Variants in LRPAP1 observed in about 807,000 individuals in gnomAD.
LRPAP1 encodes LDL receptor related protein associated protein 1.
Under a neutral mutation model 39.9 loss-of-function variants are expected in LRPAP1, and 41 were observed. The observed-to-expected ratio is 1.03, with a 90% CI of 0.80 to 1.33. The LOEUF (loss-of-function observed/expected upper bound fraction) is 1.33. Ranked by LOEUF, LRPAP1 falls within the 40% of genes most tolerant of loss-of-function variation. LRPAP1 has a pLI of 0.00. For missense variants in LRPAP1, 565 were observed against 482.3 expected, an observed-to-expected ratio of 1.17 and a Z score of -1.61; for synonymous variants, 263 against 212.7, an observed-to-expected ratio of 1.24 and a Z score of -2.06.
At chr4:3,525,248 T>C in intron 1 of LRPAP1, 197 bp from the exon 2 acceptor site, 2 of 605,484 alleles carry the variant, frequency 3.3e-6, no homozygotes, top group South Asian at 3.8e-5. Context: ...TCTAGGCCTG[T>C]CTGTATACAC....
chr4:3,516,064 G>C, intron 6 of LRPAP1, 52 bp downstream of exon 6: 1 of 1,515,662 alleles, frequency 6.6e-7, no homozygotes, highest in Admixed American at 2.0e-5. Context: ...GAAACTGCAA[G>C]AGAATCTTCA....
In LRPAP1 at chr4:3,505,878, T is replaced by A. The variant is rs1729339706; in HGVS notation, c.*7096A>T. On this transcript the variant is annotated 3_prime_UTR_variant, in exon 8 of 8. Transcript: ENST00000650182. The stretch of plus-strand genomic sequence containing the variant: ...TCAGATGGATGCTGACCCAGCAGGC[T>A]GGGCTGAGCTGGGACCAGCTCTTCC... Among the ~76,000 whole-genome samples, 1 of 152,224 alleles carries A rather than the reference T, an allele frequency of 6.6e-6. No homozygotes were observed. Among genetic ancestry groups the A allele is most frequent in the East Asian group, 1.9e-4 (1 of 5,190 alleles).
intron 6 of LRPAP1, 55 bp from the exon 7 acceptor site, chr4:3,514,983 T>G: frequency 6.3e-7 from 1 of 1,587,532 alleles, no homozygotes; most frequent in Non-Finnish European, 8.6e-7. Flanking sequence ...CCACGCCATC[T>G]TGTGGTCCCG....
chr4:3,526,174 C>T (rs1286051217), intron 1 of LRPAP1, among the ~76,000 whole-genome samples: 1 of 152,200 alleles, frequency 6.6e-6, no homozygotes, highest in Non-Finnish European at 1.5e-5. Flanking sequence ...AAAGGAAGTG[C>T]TCGGCACTGT....
Position 3,516,124 on chromosome 4 carries a change from C to G in LRPAP1, c.826G>C (p.Ala276Pro), listed in dbSNP as rs1176892131. Residue 276 changes from alanine to proline, a missense_variant, in exon 6 of 8, where the codon GCG becomes CCG. Ala to Pro is a conservative substitution (Grantham distance 27, BLOSUM62 -1). Coordinates refer to ENST00000650182, the MANE Select transcript of LRPAP1 (RefSeq NM_002337.4). ...SANLTDKELE[A>P]FREELKHFEA... ...GGGCCGTGTTTCCTTACCCGGAACGCCTCCAGCTCCTTGTCCGTGAGGTTG... is the reference window on the plus strand; with the variant it reads ...GGGCCGTGTTTCCTTACCCGGAACGGCTCCAGCTCCTTGTCCGTGAGGTTG... 1 of 1,575,974 alleles carries G rather than the reference C, an allele frequency of 6.3e-7. No homozygotes were observed. Among genetic ancestry groups the G allele is most frequent in the East Asian group, 2.3e-5 (1 of 43,506 alleles).
chr4:3,520,234 G>GA (rs747853332), intron 2 of LRPAP1, 41 bp from the exon 3 acceptor site: 37 of 1,593,134 alleles, frequency 2.3e-5, no homozygotes, highest in Non-Finnish European at 3.1e-5. Context: ...GGTTTCCTGT[G>GA]AAAAACAGTC....
chr4:3,519,317 G>A (rs539291377), intron 3 of LRPAP1, among the ~76,000 whole-genome samples: 64 of 152,338 alleles, frequency 4.2e-4, no homozygotes, highest in African/African-American at 1.4e-3. Flanking sequence ...TGCAGGTGGT[G>A]AGGACAGCAA....
rs1221934342 is a variant in LRPAP1 at position 3,506,118 on chromosome 4, A to G, written c.*6856T>C. Among the ~76,000 whole-genome samples the G allele has an allele frequency of 6.6e-6, 1 of 152,042 alleles. No homozygotes were observed. Among genetic ancestry groups the G allele is most frequent in the African/African-American group, 2.4e-5 (1 of 41,384 alleles). On this transcript the variant is annotated 3_prime_UTR_variant, in exon 8 of 8. Transcript: ENST00000650182. Reference sequence around the variant, plus strand: ...TGCTCTGTTATCCATGCTGGAGAGCAATGGCACGATTTTGGCTCACTGCAA... The same window carrying G: ...TGCTCTGTTATCCATGCTGGAGAGCGATGGCACGATTTTGGCTCACTGCAA...
chr4:3,519,923 G>A, intron 3 of LRPAP1, 149 bp downstream of exon 3: 1 of 814,976 alleles, frequency 1.2e-6, no homozygotes, highest in South Asian at 2.0e-5. Flanking sequence ...AATGACAGTG[G>A]AATGGCTTCC....
chr4:3,518,910 C>T lies in LRPAP1; in HGVS notation c.553G>A (p.Glu185Lys), dbSNP rs755185603. The change falls in exon 4 of 8, where the codon GAG (glutamate) becomes AAG (lysine). Residue 185 changes from glutamate to lysine, a missense_variant. By Grantham distance (56) the Glu-to-Lys change is moderately conservative. Transcript: ENST00000650182. ...AGGGTCTCCAGCAGGACGTTGTACT[C>T]GTGAACTTTCTCTTTGTGATGCAGG... The part of the protein sequence containing the change: ...EFLHHKEKVH[E>K]YNVLLETLSR... 26 of 1,613,492 alleles carry T rather than the reference C, an allele frequency of 1.6e-5. No homozygotes were observed. Among genetic ancestry groups the T allele is most frequent in the African/African-American group, 2.7e-5 (2 of 74,892 alleles).
rs1447458793 is a variant in LRPAP1 at position 3,508,311 on chromosome 4, T to A, written c.*4663A>T. 2 of 152,222 alleles carry A rather than the reference T, an allele frequency of 1.3e-5. No homozygotes were observed. The highest frequency in any genetic ancestry group is 4.8e-5 in the African/African-American group (2 of 41,452). 9.4% of individuals were successfully genotyped at this position (152,222 alleles called of 1,614,324 possible). On this transcript the variant is annotated 3_prime_UTR_variant, in exon 8 of 8. Transcript: ENST00000650182. ...GTGAGCCACCATGCCAGGCCTCATG[T>A]CTATTTTTAAAAATCAAGTTCTTAA...
At chr4:3,521,439 G>A (rs575908026) in intron 2 of LRPAP1, among the ~76,000 whole-genome samples, 2 of 152,230 alleles carry the variant, frequency 1.3e-5, no homozygotes, top group African/African-American at 2.4e-5. Flanking sequence ...CACATGCTCT[G>A]GGCTCAGCAG....
At chr4:3,527,347 G>A (rs768456697) in intron 1 of LRPAP1, among the ~76,000 whole-genome samples, 12 of 152,170 alleles carry the variant, frequency 7.9e-5, no homozygotes, top group Non-Finnish European at 1.3e-4. Flanking sequence ...GGTCTGATCT[G>A]AGCATTCCCA....
chr4:3,519,012 G>A, intron 3 of LRPAP1, 21 bp from the exon 4 acceptor site: 3 of 1,610,182 alleles, frequency 1.9e-6, no homozygotes, highest in Non-Finnish European at 2.5e-6. Flanking sequence ...AACAAGGCCT[G>A]GAGTGAACCC....
intron 5 of LRPAP1, 45 bp downstream of exon 5, chr4:3,517,989 G>C (rs771153261): frequency 9.7e-6 from 15 of 1,550,150 alleles, no homozygotes; most frequent in Non-Finnish European, 1.2e-5. Flanking sequence ...CACAACCAGA[G>C]ACGGCCCCAC....
At chr4:3,526,261 G>A (rs1730076832) in intron 1 of LRPAP1, among the ~76,000 whole-genome samples, 1 of 152,178 alleles carries the variant, frequency 6.6e-6, no homozygotes, top group Non-Finnish European at 1.5e-5. Flanking sequence ...CATTCCCCCG[G>A]GGCTGGTCCT....
rs146148546 is a variant in LRPAP1, at chr4:3,518,125, C to T, written c.660G>A (p.Arg220=). ...SDIKGSVLHS[R]HTELKEKLRS... is the part of the protein sequence containing the mutation. The stretch of plus-strand genomic sequence containing the variant: ...GCAGCTTCTCCTTCAGCTCCGTGTG[C>T]CTGCTGTGCAGGACGCTGCCCTTGA... The change falls in exon 5 of 8, where the codon AGG becomes AGA. Residue 220 remains arginine, a synonymous_variant. Transcript: ENST00000650182. 1 of 1,613,568 alleles carries T rather than the reference C, an allele frequency of 6.2e-7. No homozygotes were observed. The highest frequency in any genetic ancestry group is 8.5e-7 in the Non-Finnish European group (1 of 1,179,998).
At position 3,518,267 on chromosome 4, in the gene LRPAP1, C is replaced by T; in HGVS notation, c.593-75G>A. On this transcript the variant is annotated intron_variant, in intron 4 of 7. Transcript: ENST00000650182. The stretch of plus-strand genomic sequence containing the variant: ...CTGCCCAGACCACTGTCTAGAACGC[C>T]CACTGCTGGGGAGCTCAAACTCGCT... 2.0e-6 allele frequency: 3 copies of T among 1,488,288 alleles called. No homozygotes were observed. The South Asian group carries it at 3.9e-5, about 19-fold the overall frequency. The allele number at this position is 1,488,288 out of a possible 1,614,324, so 92.2% of individuals were successfully genotyped here.
chr4:3,528,373 C>T (rs1276137170), intron 1 of LRPAP1, among the ~76,000 whole-genome samples: 1 of 152,132 alleles, frequency 6.6e-6, no homozygotes, highest in Non-Finnish European at 1.5e-5. Flanking sequence ...CCCAGCACTG[C>T]TTGGGACCTC....
Sources: gnomAD v4.1 joint callset for allele counts (sites outside exome capture counted in the v4.1 genomes callset) on GRCh38, gnomAD v4.1.1 for gene constraint, MANE v1.5 for transcripts, NCBI Gene and HGNC (gene_info 2026-07-23, HGNC 2026-07-21) for gene names.